Variants in EPB41L4A observed in about 807,000 individuals in gnomAD.
EPB41L4A encodes the protein erythrocyte membrane protein band 4.1 like 4A, also known as band 4.1-like protein 4A.
EPB41L4A carries 100 observed loss-of-function variants against 108.6 expected under a neutral mutation model. The observed-to-expected ratio is 0.92, with a 90% CI of 0.78 to 1.09. The LOEUF is 1.09. EPB41L4A is among the 50% of genes least tolerant of loss of function. The probability of loss-of-function intolerance (pLI) is 0.00; values close to 1 mark genes in which losing one functional copy is unlikely to be tolerated. For missense variants in EPB41L4A, 1,030 were observed against 842.7 expected, an observed-to-expected ratio of 1.22 and a Z score of -2.75; for synonymous variants, 319 against 289.0, an observed-to-expected ratio of 1.10 and a Z score of -1.05.
chr5:112,327,655 C>T (rs1454810793), intron 1 of EPB41L4A, among the ~76,000 whole-genome samples: 1 of 151,996 alleles, frequency 6.6e-6, no homozygotes, highest in Non-Finnish European at 1.5e-5. Flanking sequence ...GAGTTTGAGG[C>T]TGCAGTGAGC....
chr5:112,211,603 A>C (rs925528855), intron 12 of EPB41L4A, among the ~76,000 whole-genome samples: 14 of 151,454 alleles, frequency 9.2e-5, no homozygotes, highest in Admixed American at 2.6e-4. Context: ...AAAAAAAAAA[A>C]CCCACACAGC....
At chr5:112,418,896 C>G (rs1762888588) in intron 1 of EPB41L4A, 45 bp downstream of exon 1, 2 of 1,509,894 alleles carry the variant, frequency 1.3e-6, no homozygotes, top group Non-Finnish European at 1.8e-6. Context: ...ACCCCCGCAC[C>G]CGCCCTGCCG....
At chr5:112,167,601 A>C (rs995695655) in intron 22 of EPB41L4A, among the ~76,000 whole-genome samples, 4 of 152,112 alleles carry the variant, frequency 2.6e-5, no homozygotes, top group Admixed American at 2.6e-4. Context: ...GGTGAGTGTG[A>C]ATGTGTAAAA....
chr5:112,164,854 A>C lies in EPB41L4A; in HGVS notation c.*136T>G. The C allele has an allele frequency of 1.0e-6, 1 of 999,394 alleles. No individual in the cohort carries two copies. Among genetic ancestry groups the C allele is most frequent in the Non-Finnish European group, 1.4e-6 (1 of 718,082 alleles). The allele number at this position is 999,394 out of a possible 1,614,324, so 61.9% of individuals were successfully genotyped here. On this transcript the variant is annotated 3_prime_UTR_variant, in exon 23 of 23. Transcript: ENST00000261486. ...CTCAAAAAAAAAAAAAAAAAGAAGC[A>C]AAAGATAATGTATTTTCTCATGCTG... is the stretch of plus-strand genomic sequence containing the variant.
At chr5:112,173,718 A>T (rs1760720343) in intron 18 of EPB41L4A, 1 of 149,952 alleles carries the variant, frequency 6.7e-6, no homozygotes, top group South Asian at 2.1e-4. Context: ...ATCTCGGCTC[A>T]CTGCAAGCTC....
At chr5:112,399,017 T>C (rs1222795582) in intron 1 of EPB41L4A, among the ~76,000 whole-genome samples, 1 of 151,768 alleles carries the variant, frequency 6.6e-6, no homozygotes, top group Non-Finnish European at 1.5e-5. Context: ...GAGGTATTCA[T>C]CCAGTAAATG....
chr5:112,304,727 C>T (rs1754577471), intron 2 of EPB41L4A, among the ~76,000 whole-genome samples: 1 of 152,090 alleles, frequency 6.6e-6, no homozygotes, highest in Non-Finnish European at 1.5e-5. Flanking sequence ...CAGGAAAGGC[C>T]TTTTACATGT....
chr5:112,402,918 T>G lies in EPB41L4A; in HGVS notation c.99+16023A>C, dbSNP rs577665728. Among the ~76,000 whole-genome samples, 4 of 152,326 alleles carry G rather than the reference T, an allele frequency of 2.6e-5. No homozygotes were observed. The East Asian group carries it at 7.7e-4, about 29-fold the overall frequency. ...AGATTAAGCCTTCCTAGAAAGCGGT[T>G]AGTCGTATGTTTACTCTTAAACACA... On this transcript the variant is annotated intron_variant, in intron 1 of 22. Coordinates refer to ENST00000261486, the MANE Select transcript of EPB41L4A (RefSeq NM_022140.5).
chr5:112,193,017 T>C (rs947708097), intron 17 of EPB41L4A, among the ~76,000 whole-genome samples: 43 of 152,342 alleles, frequency 2.8e-4, no homozygotes, highest in Middle Eastern at 3.4e-3. Flanking sequence ...ACCTCCCACA[T>C]ATGGGTTTTC....
At chr5:112,362,821 C>T (rs1335971011) in intron 1 of EPB41L4A, among the ~76,000 whole-genome samples, 1 of 152,142 alleles carries the variant, frequency 6.6e-6, no homozygotes, top group Admixed American at 6.5e-5. Flanking sequence ...TAAATAATAT[C>T]AAGTCTGACG....
chr5:112,174,259 T>C (rs1580367299), intron 18 of EPB41L4A, among the ~76,000 whole-genome samples: 1 of 152,206 alleles, frequency 6.6e-6, no homozygotes, highest in African/African-American at 2.4e-5. Flanking sequence ...TAATCAATAA[T>C]TTAGGATGAA....
intron 9 of EPB41L4A, among the ~76,000 whole-genome samples, chr5:112,246,530 T>C (rs996764611): frequency 3.9e-5 from 6 of 152,136 alleles, no homozygotes; most frequent in African/African-American, 1.4e-4. Flanking sequence ...TGCCTCTCCT[T>C]TTTGGTTCCT....
chr5:112,338,389 G>A (rs1009513490), intron 1 of EPB41L4A, among the ~76,000 whole-genome samples: 1 of 152,082 alleles, frequency 6.6e-6, no homozygotes, highest in Non-Finnish European at 1.5e-5. Flanking sequence ...CACTGTCTCA[G>A]ACTGCCTGCC....
Position 112,305,286 on chromosome 5 carries a change from G to T in EPB41L4A, c.204+2100C>A, listed in dbSNP as rs532639372. 2.4e-4 allele frequency among the ~76,000 whole-genome samples: 36 copies of T among 152,248 alleles called. No individual in the cohort carries two copies. The South Asian group carries it at 2.9e-3, about 12-fold the overall frequency. On this transcript the variant is annotated intron_variant, in intron 2 of 22. Transcript: ENST00000261486. ...ACAAACAAAAATATTTACAGTCGGT[G>T]GTGCACTGATGATGATGGTGGTAAT...
At chr5:112,415,620 A>G (rs908066927) in intron 1 of EPB41L4A, among the ~76,000 whole-genome samples, 2 of 152,206 alleles carry the variant, frequency 1.3e-5, no homozygotes, top group Non-Finnish European at 2.9e-5. Context: ...TAAGAGAACA[A>G]AAAGAAAGTT....
In EPB41L4A at chr5:112,419,043, G is replaced by A. The variant is rs369055745; in HGVS notation, c.-4C>T. On this transcript the variant is annotated 5_prime_UTR_variant, in exon 1 of 23. Transcript: ENST00000261486. ...GAACAGCGCAGAAACAGCCCATGTC[G>A]GTTGTGGTCGTCTCCAGCCAGGAGA... is the stretch of plus-strand genomic sequence containing the variant. The A allele has an allele frequency of 1.9e-6, 3 of 1,611,628 alleles. No homozygotes were observed. The highest frequency in any genetic ancestry group is 1.7e-5 in the Admixed American group (1 of 59,924).
At chr5:112,345,778 TATACACACACAC>T (rs1443394816) in intron 1 of EPB41L4A, among the ~76,000 whole-genome samples, 1,677 of 130,772 alleles carry the variant, frequency 0.013, 21 homozygotes, top group African/African-American at 0.016. Context: ...CATATATATA[TATACACACACAC>T]ACACACACAC....
At position 112,240,680 on chromosome 5, in the gene EPB41L4A, T is replaced by C. The variant is rs1366275226; in HGVS notation, c.887+39A>G. On this transcript the variant is annotated intron_variant, in intron 10 of 22. Coordinates refer to ENST00000261486, the MANE Select transcript of EPB41L4A (RefSeq NM_022140.5). The stretch of plus-strand genomic sequence containing the variant: ...TTTATAAAAATAAATGCCATTTTCA[T>C]TTATTAAGACAACAAACAAAATTTT... 22 of 1,140,688 alleles carry C rather than the reference T, an allele frequency of 1.9e-5. 1 individual carries two copies. Among genetic ancestry groups the C allele is most frequent in the Non-Finnish European group, 2.8e-5 (22 of 797,818 alleles). 70.7% of individuals were successfully genotyped at this position (1,140,688 alleles called of 1,614,324 possible).
intron 1 of EPB41L4A, among the ~76,000 whole-genome samples, chr5:112,325,460 G>A (rs1048458575): frequency 2.0e-5 from 3 of 150,006 alleles, no homozygotes; most frequent in South Asian, 4.2e-4. Context: ...AAAAAAAAAA[G>A]GGAGAGTCAG....
Sources: allele counts gnomAD v4.1 joint callset (sites outside exome capture counted in the v4.1 genomes callset), GRCh38; gene constraint gnomAD v4.1.1; transcripts MANE v1.5; gene names NCBI Gene and HGNC (gene_info 2026-07-23, HGNC 2026-07-21).